Variants in MAGI2 observed in about 807,000 individuals in gnomAD.
MAGI2 encodes membrane-associated guanylate kinase, WW and PDZ domain-containing protein 2.
Under a neutral mutation model 133.3 loss-of-function variants are expected in MAGI2, and 35 were observed. The observed-to-expected ratio is 0.26, with a 90% CI of 0.20 to 0.35. The LOEUF is 0.35. Among genes scored for constraint, MAGI2 ranks in the 10% least tolerant of loss-of-function variants. The probability of loss-of-function intolerance (pLI) is 1.00; values close to 1 mark genes in which losing one functional copy is unlikely to be tolerated. For synonymous variants in MAGI2, 729 were observed against 710.6 expected, an observed-to-expected ratio of 1.03 and a Z score of -0.41; for missense variants, 1,636 against 1,863.4, an observed-to-expected ratio of 0.88 and a Z score of 2.25.
intron 1 of MAGI2, among the ~76,000 whole-genome samples, chr7:79,176,236 C>T (rs932631738): frequency 6.6e-6 from 1 of 151,904 alleles, no homozygotes; most frequent in African/African-American, 2.4e-5. Context: ...AGGATTGCCC[C>T]AGCTGCCTTG....
chr7:78,585,375 T>C (rs1297338959), intron 3 of MAGI2, among the ~76,000 whole-genome samples: 1 of 152,204 alleles, frequency 6.6e-6, no homozygotes, highest in Non-Finnish European at 1.5e-5. Context: ...CTGACCATCA[T>C]ACTCAGGTAT....
intron 2 of MAGI2, among the ~76,000 whole-genome samples, chr7:78,714,983 C>T (rs1819563471): frequency 6.6e-6 from 1 of 152,176 alleles, no homozygotes; most frequent in South Asian, 2.1e-4. Flanking sequence ...GCCTTATAAA[C>T]ATTCCCTAAT....
At chr7:78,570,562 G>T (rs1013601135) in intron 3 of MAGI2, among the ~76,000 whole-genome samples, 1 of 152,098 alleles carries the variant, frequency 6.6e-6, no homozygotes, top group South Asian at 2.1e-4. Context: ...GTGACAGGGG[G>T]TGGGACTACA....
At chr7:78,380,384 A>G (rs1175995183) in intron 6 of MAGI2, among the ~76,000 whole-genome samples, 1 of 152,124 alleles carries the variant, frequency 6.6e-6, no homozygotes, top group Non-Finnish European at 1.5e-5. Flanking sequence ...AAGATGTGCT[A>G]TATATATACA....
chr7:78,466,780 G>C (rs905157806), intron 6 of MAGI2, among the ~76,000 whole-genome samples: 2 of 152,136 alleles, frequency 1.3e-5, no homozygotes, highest in Non-Finnish European at 2.9e-5. Context: ...GTGTAGACAA[G>C]ATCATGGCAT....
At chr7:78,268,998 A>G (rs1053823059) in intron 9 of MAGI2, among the ~76,000 whole-genome samples, 4 of 151,984 alleles carry the variant, frequency 2.6e-5, no homozygotes, top group Non-Finnish European at 5.9e-5. Flanking sequence ...ATGTGCTCTC[A>G]TTGTTCACCT....
At position 78,256,083 on chromosome 7, in the gene MAGI2, C is replaced by T; in HGVS notation, c.1907G>A (p.Gly636Glu). 6.2e-7 allele frequency: 1 copy of T among 1,613,716 alleles called. No homozygotes were observed. The highest frequency in any genetic ancestry group is 1.1e-5 in the South Asian group (1 of 90,998). ...QRVKQILDIQ[G>E]CPGLCEGDLI... ...GTCGCCTTCACACAGGCCAGGGCATCCCTGAATGTCAAGTATTTGTTTCAC... is the reference window on the plus strand; with the variant it reads ...GTCGCCTTCACACAGGCCAGGGCATTCCTGAATGTCAAGTATTTGTTTCAC... Residue 636 changes from glycine to glutamate, a missense_variant, in exon 10 of 22, where the codon GGA becomes GAA. By Grantham distance (98) the Gly-to-Glu change is moderately conservative. Around this residue, in one of 5 missense-constraint regions of MAGI2, gnomAD observed 920 missense variants for 1,093.5 expected, o/e 0.84. Transcript: ENST00000354212.
In MAGI2 at chr7:78,275,190, G is replaced by T. The variant is rs568739378; in HGVS notation, c.1409-18609C>A. Among the ~76,000 whole-genome samples, 87 of 152,216 alleles carry T rather than the reference G, an allele frequency of 5.7e-4. 1 individual carries two copies. The highest frequency in any genetic ancestry group is 1.2e-3 in the Non-Finnish European group (83 of 68,032). On this transcript the variant is annotated intron_variant, in intron 9 of 21. Transcript: ENST00000354212. The stretch of plus-strand genomic sequence containing the variant: ...GTACAGTCTCTCATGGCTTCCCTTG[G>T]GAAGGGGAGAGAATTCCCCAACCCC...
chr7:79,128,963 C>T (rs567261333), intron 1 of MAGI2, among the ~76,000 whole-genome samples: 2 of 152,260 alleles, frequency 1.3e-5, no homozygotes, highest in South Asian at 2.1e-4. Flanking sequence ...CTCCATCTCT[C>T]GAGTTCCAGC....
chr7:78,489,726 C>T, intron 6 of MAGI2, 35 bp downstream of exon 6: 1 of 1,479,312 alleles, frequency 6.8e-7, no homozygotes. Context: ...TCTCAAAGCA[C>T]ATTGCTGAAA....
At chr7:79,440,101 T>C (rs1237740791) in intron 1 of MAGI2, among the ~76,000 whole-genome samples, 3 of 152,082 alleles carry the variant, frequency 2.0e-5, no homozygotes, top group East Asian at 3.9e-4. Context: ...GTGCTCTTAG[T>C]TCAGTCTTAG....
chr7:78,050,860 C>T (rs952227405), intron 21 of MAGI2, among the ~76,000 whole-genome samples: 6 of 152,178 alleles, frequency 3.9e-5, no homozygotes, highest in South Asian at 2.1e-4. Context: ...TGATAACTAA[C>T]GGGCTCTACT....
chr7:78,559,300 C>T (rs1800177758), intron 3 of MAGI2, among the ~76,000 whole-genome samples: 1 of 149,852 alleles, frequency 6.7e-6, no homozygotes, highest in South Asian at 2.1e-4. Flanking sequence ...CTTCTCACTA[C>T]CCCTTGGTTG....
At chr7:79,113,549 G>C (rs1819126245) in intron 1 of MAGI2, among the ~76,000 whole-genome samples, 2 of 152,136 alleles carry the variant, frequency 1.3e-5, no homozygotes, top group Non-Finnish European at 2.9e-5. Context: ...TGAAAGATGT[G>C]ATATGATTGG....
chr7:78,082,586 T>G (rs1338363444), intron 20 of MAGI2, among the ~76,000 whole-genome samples: 1 of 152,124 alleles, frequency 6.6e-6, no homozygotes, highest in East Asian at 1.9e-4. Context: ...TCAGTGCCAT[T>G]GGGTGGTGAG....
chr7:78,281,076 T>TCTAAG (rs1040957648), intron 9 of MAGI2, among the ~76,000 whole-genome samples: 6 of 152,086 alleles, frequency 3.9e-5, no homozygotes, highest in East Asian at 3.9e-4. Flanking sequence ...ATTTTTCTAA[T>TCTAAG]CTAAGCTCAA....
intron 6 of MAGI2, among the ~76,000 whole-genome samples, chr7:78,413,416 TCA>T (rs1798029780): frequency 6.6e-6 from 1 of 152,068 alleles, no homozygotes; most frequent in Non-Finnish European, 1.5e-5. Flanking sequence ...AATTAAATTA[TCA>T]CAACATTAGA....
At chr7:78,577,963 C>T (rs1317657721) in intron 3 of MAGI2, among the ~76,000 whole-genome samples, 2 of 149,512 alleles carry the variant, frequency 1.3e-5, no homozygotes, top group Non-Finnish European at 3.0e-5. Flanking sequence ...TGAAGTTATT[C>T]AGAGGAGATA....
chr7:78,548,569 C>T (rs1243985072), intron 3 of MAGI2, among the ~76,000 whole-genome samples: 2 of 152,094 alleles, frequency 1.3e-5, no homozygotes, highest in African/African-American at 4.8e-5. Context: ...GTGGTGCATG[C>T]CTGTAATCCC....
Sources: gnomAD v4.1 joint callset for allele counts (sites outside exome capture counted in the v4.1 genomes callset) on GRCh38, gnomAD v4.1.1 for gene constraint, gnomAD v4.1.1 regional missense constraint, MANE v1.5 for transcripts, NCBI Gene and HGNC (gene_info 2026-07-23, HGNC 2026-07-21) for gene names.